The following MTF1 variants were observed in gnomAD, a reference collection of about 807,000 sequenced individuals.
MTF1 encodes metal regulatory transcription factor 1.
MTF1 carries 22 observed loss-of-function variants against 70.4 expected under a neutral mutation model. The observed-to-expected ratio is 0.31, with a 90% CI of 0.22 to 0.45. MTF1 has a LOEUF of 0.45. MTF1 is among the 20% of genes least tolerant of loss of function. MTF1 has a pLI of 1.00. For missense variants in MTF1, 649 were observed against 922.0 expected (o/e 0.70, Z 3.83); for synonymous variants, 333 against 352.8 (o/e 0.94, Z 0.63).
At chr1:37,856,991 T>G (rs1028020294) in intron 2 of MTF1, among the ~76,000 whole-genome samples, 4 of 152,218 alleles carry the variant, frequency 2.6e-5, no homozygotes, top group Admixed American at 6.5e-5. Context: ...TCTACTTAAG[T>G]GAAATTTCTG....
In MTF1 at chr1:37,840,435, A is replaced by T. The variant is rs1302611053; in HGVS notation, c.409-277T>A. ...ATGTTTTCAGACTCTATATACATCT[A>T]CCCACTAAAAGTACACTATACTGTT... On this transcript the variant is annotated intron_variant, in intron 2 of 10. Transcript: ENST00000373036. This position sits in a 1 kb window ranked among gnomAD's most constrained non-coding sequence, Gnocchi z 4.5. 1 of 527,172 alleles carries T rather than the reference A, an allele frequency of 1.9e-6. No individual in the cohort carries two copies. The highest frequency in any genetic ancestry group is 3.6e-6 in the Non-Finnish European group (1 of 277,986). 32.7% of individuals were successfully genotyped at this position (527,172 alleles called of 1,614,324 possible). A position where few individuals can be genotyped will look rare whatever the true frequency, so the allele number is the denominator to read the frequency against.
At position 37,815,623 on chromosome 1, in the gene MTF1, G is replaced by A; in HGVS notation, c.1832-57C>T. Reference sequence around the variant, plus strand: ...AGTAGCTGCAGGGGCAGGAGCATGAGGGACAGGGATACATGGACTAGGTGA... The same window carrying A: ...AGTAGCTGCAGGGGCAGGAGCATGAAGGACAGGGATACATGGACTAGGTGA... On this transcript the variant is annotated intron_variant, in intron 10 of 10. Transcript: ENST00000373036. The surrounding 1 kb of genome is among the most constrained non-coding windows in gnomAD (Gnocchi z 4.5). 1.5e-6 allele frequency: 2 copies of A among 1,371,000 alleles called. No homozygotes were observed. Among genetic ancestry groups the A allele is most frequent in the South Asian group, 1.4e-5 (1 of 70,572 alleles). The allele number at this position is 1,371,000 out of a possible 1,614,324, so 84.9% of individuals were successfully genotyped here.
At position 37,835,128 on chromosome 1, in the gene MTF1, T is replaced by C; in HGVS notation, c.941A>G (p.Asp314Gly). The C allele has an allele frequency of 6.2e-7, 1 of 1,614,114 alleles. No individual in the cohort carries two copies. Among genetic ancestry groups the C allele is most frequent in the African/African-American group, 1.3e-5 (1 of 75,068 alleles). Residue 314 changes from aspartate to glycine, a missense_variant, in exon 6 of 11, where the codon GAT (aspartate) becomes GGT (glycine). Physicochemically the swap from Asp to Gly is moderately conservative, Grantham distance 94 (BLOSUM62 -1). Coordinates refer to ENST00000373036, the MANE Select transcript of MTF1 (RefSeq NM_005955.3). ...TGCATTGTATGAGTGTCCTTTGTTA[T>C]CATGACCTTTCATGTGACTTTTGAG... ...YSLKSHMKGH[D>G]NKGHSYNALP...
intron 3 of MTF1, 126 bp downstream of exon 3, chr1:37,839,794 G>T: frequency 6.7e-6 from 5 of 744,048 alleles, no homozygotes; most frequent in Non-Finnish European, 1.1e-5. Flanking sequence ...ATTTTACGTA[G>T]TTGAACACAG....
intron 1 of MTF1, chr1:37,858,455 T>C (rs967379260): frequency 6.6e-6 from 1 of 152,230 alleles, no homozygotes; most frequent in African/African-American, 2.4e-5. Context: ...TGGTAAATAG[T>C]AGAGGAACAA....
chr1:37,817,694 C>T (rs114385014), intron 9 of MTF1, among the ~76,000 whole-genome samples: 129 of 152,276 alleles, frequency 8.5e-4, no homozygotes, highest in African/African-American at 3.0e-3. Context: ...TAGCTTTGTA[C>T]GCCACTAGTT....
At chr1:37,841,438 C>G in intron 2 of MTF1, 1 of 152,950 alleles carries the variant, frequency 6.5e-6, no homozygotes. Flanking sequence ...GCCCAGGAAA[C>G]GGCTGCTGAT....
Position 37,811,413 on chromosome 1 carries a change from C to T in MTF1, c.*3723G>A, listed in dbSNP as rs1225974677. 1 of 152,620 alleles carries T rather than the reference C, an allele frequency of 6.6e-6. No homozygotes were observed. The highest frequency in any genetic ancestry group is 1.9e-4 in the East Asian group (1 of 5,194). The allele number at this position is 152,620 out of a possible 1,614,324, so 9.5% of individuals were successfully genotyped here. A position where few individuals can be genotyped will look rare whatever the true frequency, so the allele number is the denominator to read the frequency against. ...GACCATCAAGCTACACATATTGCAC[C>T]AAGGTAAGTGCTTTTCTTTTCACAC... is the stretch of plus-strand genomic sequence containing the variant. On this transcript the variant is annotated 3_prime_UTR_variant, in exon 11 of 11. Transcript: ENST00000373036.
chr1:37,846,144 T>A (rs1360928405), intron 2 of MTF1, among the ~76,000 whole-genome samples: 1 of 152,152 alleles, frequency 6.6e-6, no homozygotes, highest in Non-Finnish European at 1.5e-5. Context: ...AATTATACTG[T>A]CCTGGGTGCT....
Position 37,810,852 on chromosome 1 carries a change from C to CT in MTF1, c.*4283dup, listed in dbSNP as rs1640717379. On this transcript the variant is annotated 3_prime_UTR_variant, in exon 11 of 11. Transcript: ENST00000373036. ...GTTTGTTTATAGGATTTAATGAAGGCTGGAGGCCTTTTTGCTTAAGGAACC... is the reference window on the plus strand; with the variant it reads ...GTTTGTTTATAGGATTTAATGAAGGCTTGGAGGCCTTTTTGCTTAAGGAACC... 2 of 152,174 alleles carry CT rather than the reference C, an allele frequency of 1.3e-5. No individual in the cohort carries two copies. Among genetic ancestry groups the CT allele is most frequent in the South Asian group, 4.1e-4 (2 of 4,826 alleles). The allele number at this position is 152,174 out of a possible 1,614,324, so 9.4% of individuals were successfully genotyped here.
At chr1:37,847,667 G>T (rs895079458) in intron 2 of MTF1, among the ~76,000 whole-genome samples, 1 of 152,170 alleles carries the variant, frequency 6.6e-6, no homozygotes, top group Non-Finnish European at 1.5e-5. Flanking sequence ...AACGCCTGCA[G>T]GGGACTACAG....
At chr1:37,819,310 G>A (rs1456812230) in intron 9 of MTF1, among the ~76,000 whole-genome samples, 1 of 152,128 alleles carries the variant, frequency 6.6e-6, no homozygotes, top group African/African-American at 2.4e-5. Context: ...CTTGGCACAT[G>A]GTGAACATTC....
Position 37,857,450 on chromosome 1 carries a change from T to A in MTF1, c.209A>T (p.His70Leu), listed in dbSNP as rs1225084810. 1 of 1,614,194 alleles carries A rather than the reference T, an allele frequency of 6.2e-7. No homozygotes were observed. Among genetic ancestry groups the A allele is most frequent in the South Asian group, 1.1e-5 (1 of 91,084 alleles). ...TTCACCCCCTACTAGAAAAGGCAAGTGTTCTCCGCACTGTCCGTCGTCATC... is the reference window on the plus strand; with the variant it reads ...TTCACCCCCTACTAGAAAAGGCAAGAGTTCTCCGCACTGTCCGTCGTCATC... Reference protein sequence around the residue: ...DEDDDGQCGEHLPFLVGGEEG... With the variant: ...DEDDDGQCGELLPFLVGGEEG... Residue 70 changes from histidine (H) to leucine (L), a missense_variant, in exon 2 of 11, where the codon CAC becomes CTC. Around this residue, in one of 7 missense-constraint regions of MTF1, gnomAD observed 44 missense variants for 38.1 expected, o/e 1.15. Coordinates refer to ENST00000373036, the MANE Select transcript of MTF1 (RefSeq NM_005955.3).
chr1:37,810,808 A>T lies in MTF1; in HGVS notation c.*4328T>A, dbSNP rs534602954. On this transcript the variant is annotated 3_prime_UTR_variant, in exon 11 of 11. Coordinates refer to ENST00000373036, the MANE Select transcript of MTF1 (RefSeq NM_005955.3). ...GTGGAGTAAAGGAAGAAAGTTGATA[A>T]TGATTCATGGGATGTAATGTTTGTT... 6.6e-6 allele frequency: 1 copy of T among 152,224 alleles called. No homozygotes were observed. The highest frequency in any genetic ancestry group is 1.5e-5 in the Non-Finnish European group (1 of 68,034). The allele number at this position is 152,224 out of a possible 1,614,324, so 9.4% of individuals were successfully genotyped here. A position where few individuals can be genotyped will look rare whatever the true frequency, so the allele number is the denominator to read the frequency against.
chr1:37,840,272 T>C lies in MTF1; in HGVS notation c.409-114A>G, dbSNP rs760227000. Reference sequence around the variant, plus strand: ...TGTGGACAATACAACTGGGTTTTCATCATAAACACAGAAAACAGCCTCTAG... The same window carrying C: ...TGTGGACAATACAACTGGGTTTTCACCATAAACACAGAAAACAGCCTCTAG... On this transcript the variant is annotated intron_variant, in intron 2 of 10. Coordinates refer to ENST00000373036, the MANE Select transcript of MTF1 (RefSeq NM_005955.3). The surrounding 1 kb of genome is among the most constrained non-coding windows in gnomAD (Gnocchi z 4.5). 1.6e-5 allele frequency: 15 copies of C among 934,070 alleles called. No homozygotes were observed. Among genetic ancestry groups the C allele is most frequent in the Admixed American group, 6.8e-5 (3 of 43,880 alleles). 57.9% of individuals were successfully genotyped at this position (934,070 alleles called of 1,614,324 possible).
In MTF1 at chr1:37,822,306, G is replaced by C; in HGVS notation, c.1582C>G (p.Pro528Ala). 3 of 1,613,994 alleles carry C rather than the reference G, an allele frequency of 1.9e-6. No homozygotes were observed. In the South Asian group the frequency reaches 3.3e-5, roughly 18 times the overall value. ...AGAGTCTGGACCATGGCTGGCAGGG[G>C]CTCAGTAGTACTTTGTGGTGGGGCT... ...APAPPQSTTE[P>A]LPAMVQTLPL... Residue 528 changes from proline (P) to alanine (A), a missense_variant, in exon 9 of 11, where the codon CCC (proline) becomes GCC (alanine). Pro to Ala is a conservative substitution (Grantham distance 27, BLOSUM62 -1). This residue lies in a region of MTF1 where 267 missense variants were observed against 292.1 expected (regional missense o/e 0.91). Transcript: ENST00000373036.
chr1:37,815,819 T>C lies in MTF1; in HGVS notation c.1832-253A>G, dbSNP rs1466806737. On this transcript the variant is annotated intron_variant, in intron 10 of 10. Transcript: ENST00000373036. The surrounding 1 kb of genome is among the most constrained non-coding windows in gnomAD (Gnocchi z 4.5). ...ACACGATCTAGATGCACCCTGTATT[T>C]CCAGCTTCATTTCCAGTCATTCTCC... is the stretch of plus-strand genomic sequence containing the variant. 2.6e-5 allele frequency among the ~76,000 whole-genome samples: 4 copies of C among 152,154 alleles called. No homozygotes were observed. Among genetic ancestry groups the C allele is most frequent in the Non-Finnish European group, 4.4e-5 (3 of 68,032 alleles).
At chr1:37,817,299 T>TAG in intron 10 of MTF1, 120 bp downstream of exon 10, 1 of 725,802 alleles carries the variant, frequency 1.4e-6, no homozygotes, top group East Asian at 2.5e-5. Context: ...ATGTGAAGAA[T>TAG]TTAACTGAGG....
Position 37,822,426 on chromosome 1 carries a change from G to A in MTF1, c.1462C>T (p.His488Tyr). The A allele has an allele frequency of 6.2e-7, 1 of 1,614,152 alleles. No homozygotes were observed. Among genetic ancestry groups the A allele is most frequent in the South Asian group, 1.1e-5 (1 of 91,086 alleles). The change falls in exon 9 of 11, where the codon CAC (histidine) becomes TAC (tyrosine). Residue 488 changes from histidine (H) to tyrosine (Y), a missense_variant. Transcript: ENST00000373036. The part of the protein sequence containing the change: ...FAANHQEFLP[H>Y]PQAPQPIVPG... Reference sequence around the variant, plus strand: ...ACAATGGGCTGCGGTGCCTGGGGGTGCGGAAGAAACTCTTGATGATTAGCA... The same window carrying A: ...ACAATGGGCTGCGGTGCCTGGGGGTACGGAAGAAACTCTTGATGATTAGCA...
Sources: gnomAD v4.1 joint callset for allele counts (sites outside exome capture counted in the v4.1 genomes callset) on GRCh38, gnomAD v4.1.1 for gene constraint, gnomAD v4.1.1 regional missense constraint, Gnocchi (gnomAD v3.1) non-coding constraint, MANE v1.5 for transcripts, NCBI Gene and HGNC (gene_info 2026-07-23, HGNC 2026-07-21) for gene names.